Variants in STK24 observed in about 807,000 individuals in gnomAD.
STK24 encodes the protein serine/threonine-protein kinase 24.
STK24 carries 21 observed loss-of-function variants against 55.6 expected under a neutral mutation model. That is an observed-to-expected ratio of 0.38 (90% CI 0.27 to 0.54). The LOEUF (loss-of-function observed/expected upper bound fraction) is 0.54, where lower values mean the gene tolerates loss of function less well. Among genes scored for constraint, STK24 ranks in the 20% least tolerant of loss-of-function variants. STK24 has a pLI of 0.79. For synonymous variants in STK24, 200 were observed against 215.2 expected (o/e 0.93, Z 0.62); for missense variants, 383 against 538.4 (o/e 0.71, Z 2.86).
chr13:98,535,957 G>T (rs1375586838), intron 1 of STK24, among the ~76,000 whole-genome samples: 1 of 152,190 alleles, frequency 6.6e-6, no homozygotes, highest in African/African-American at 2.4e-5. Flanking sequence ...TGAGTATCAG[G>T]AAACTGACTA....
In STK24 at chr13:98,475,315, A is replaced by G; in HGVS notation, c.374T>C (p.Leu125Ser). ...ATCGAGTCCTTTCAGTATTTCTCTT[A>G]ATATAGTAGCGATCTGGGTTTCATC... The part of the protein sequence containing the change: ...PLDETQIATI[L>S]REILKGLDYL... The change falls in exon 4 of 11, where the codon TTA (leucine) becomes TCA (serine). Residue 125 changes from leucine to serine, a missense_variant. By Grantham distance (145) the Leu-to-Ser change is moderately radical. Coordinates refer to ENST00000539966, the MANE Select transcript of STK24 (RefSeq NM_001032296.4). 6.2e-7 allele frequency: 1 copy of G among 1,613,608 alleles called. No homozygotes were observed. The highest frequency in any genetic ancestry group is 8.5e-7 in the Non-Finnish European group (1 of 1,179,856).
At chr13:98,482,146 C>A (rs1314058824) in intron 3 of STK24, 119 bp downstream of exon 3, 3 of 507,946 alleles carry the variant, frequency 5.9e-6, no homozygotes, top group South Asian at 4.9e-5. Context: ...AGTTTGGTTC[C>A]TTTTTTAATG....
intron 2 of STK24, among the ~76,000 whole-genome samples, chr13:98,494,912 GA>G (rs1332415078): frequency 2.0e-5 from 3 of 152,192 alleles, no homozygotes; most frequent in Non-Finnish European, 4.4e-5. Flanking sequence ...GGGATGCAGA[GA>G]CAGCTGCTCC....
At chr13:98,545,386 C>T (rs1465623865) in intron 1 of STK24, among the ~76,000 whole-genome samples, 1 of 152,082 alleles carries the variant, frequency 6.6e-6, no homozygotes, top group African/African-American at 2.4e-5. Flanking sequence ...GTGGCTCATG[C>T]CTGTAATCCC....
intron 7 of STK24, 73 bp downstream of exon 7, chr13:98,463,618 C>A: frequency 6.7e-7 from 1 of 1,495,734 alleles, no homozygotes; most frequent in Non-Finnish European, 8.9e-7. Flanking sequence ...AAAACGAAAC[C>A]CACACCAAAC....
chr13:98,485,743 CTT>C (rs1469266348), intron 2 of STK24, among the ~76,000 whole-genome samples: 1 of 152,232 alleles, frequency 6.6e-6, no homozygotes, highest in African/African-American at 2.4e-5. Flanking sequence ...AGTTCGATCT[CTT>C]TAGTCTCAGT....
Position 98,451,157 on chromosome 13 carries a change from T to G in STK24, c.*2016A>C, listed in dbSNP as rs1274833538. On this transcript the variant is annotated 3_prime_UTR_variant, in exon 11 of 11. Transcript: ENST00000539966. Reference sequence around the variant, plus strand: ...TGATGTCATTGTCCATTTGTAAATCTGAAGAACTCTGTAAATCAGAAAAGC... The same window carrying G: ...TGATGTCATTGTCCATTTGTAAATCGGAAGAACTCTGTAAATCAGAAAAGC... The G allele has an allele frequency of 6.6e-6, 1 of 152,210 alleles. No homozygotes were observed. Among genetic ancestry groups the G allele is most frequent in the African/African-American group, 2.4e-5 (1 of 41,454 alleles). 9.4% of individuals were successfully genotyped at this position (152,210 alleles called of 1,614,324 possible). A position where few individuals can be genotyped will look rare whatever the true frequency, so the allele number is the denominator to read the frequency against.
At chr13:98,537,759 G>C (rs1310197336) in intron 1 of STK24, among the ~76,000 whole-genome samples, 1 of 152,100 alleles carries the variant, frequency 6.6e-6, no homozygotes. Flanking sequence ...CTCAGCTCCT[G>C]GAGCCAGGCT....
At chr13:98,497,540 C>T (rs1323880947) in intron 2 of STK24, among the ~76,000 whole-genome samples, 1 of 152,222 alleles carries the variant, frequency 6.6e-6, no homozygotes, top group Non-Finnish European at 1.5e-5. Flanking sequence ...GTCCCAATCT[C>T]ACACTGCTTA....
chr13:98,482,705 C>T (rs1360435334), intron 2 of STK24, among the ~76,000 whole-genome samples: 1 of 152,238 alleles, frequency 6.6e-6, no homozygotes, highest in Non-Finnish European at 1.5e-5. Flanking sequence ...TGGTGTCACA[C>T]ACATCGGGAG....
chr13:98,482,233 G>C, intron 3 of STK24, 32 bp downstream of exon 3: 1 of 1,303,292 alleles, frequency 7.7e-7, no homozygotes, highest in East Asian at 2.5e-5. Flanking sequence ...AAAAAGCTTT[G>C]ATACGTATTC....
intron 9 of STK24, among the ~76,000 whole-genome samples, chr13:98,458,888 A>G (rs1893581671): frequency 6.6e-6 from 1 of 152,240 alleles, no homozygotes; most frequent in Admixed American, 6.5e-5. Flanking sequence ...CAAGTATTGT[A>G]TGAAATAATA....
intron 10 of STK24, 141 bp from the exon 11 acceptor site, chr13:98,453,350 G>A (rs548957796): frequency 7.2e-5 from 59 of 820,000 alleles, no homozygotes; most frequent in Non-Finnish European, 1.1e-4. Context: ...CAATGTGTAA[G>A]TCTAATTTTA....
rs568921085 is a variant in STK24 at position 98,558,939 on chromosome 13, C to T, written c.42+17806G>A. On this transcript the variant is annotated intron_variant, in intron 1 of 10. Coordinates refer to ENST00000539966, the MANE Select transcript of STK24 (RefSeq NM_001032296.4). ...CAGCACTTTAGGAGGCTGAGGCAGG[C>T]GGATCACCTGAGGTTGGGGGTTCGA... Among the ~76,000 whole-genome samples the T allele has an allele frequency of 1.8e-3, 243 of 131,698 alleles. 1 individual carries two copies. Among genetic ancestry groups the T allele is most frequent in the East Asian group, 0.015 (64 of 4,166 alleles). The allele number at this position is 131,698 out of a possible 152,430, so 86.4% of individuals were successfully genotyped here.
In STK24 at chr13:98,446,131, A is replaced by G; in HGVS notation, c.*7042T>C. On this transcript the variant is annotated 3_prime_UTR_variant, in exon 11 of 11. Transcript: ENST00000539966. Reference sequence around the variant, plus strand: ...GTCTGGAAACCTGCTGAGGAAATTCAAAAACAGCAACGGGTGGCAGAAGCT... The same window carrying G: ...GTCTGGAAACCTGCTGAGGAAATTCGAAAACAGCAACGGGTGGCAGAAGCT... 2 of 1,613,928 alleles carry G rather than the reference A, an allele frequency of 1.2e-6. No individual in the cohort carries two copies. The highest frequency in any genetic ancestry group is 1.7e-6 in the Non-Finnish European group (2 of 1,179,796).
At chr13:98,504,298 C>G (rs1376809353) in intron 2 of STK24, among the ~76,000 whole-genome samples, 1 of 152,202 alleles carries the variant, frequency 6.6e-6, no homozygotes, top group Non-Finnish European at 1.5e-5. Context: ...GAAAGTAGAG[C>G]TTCTGTCAAC....
intron 9 of STK24, among the ~76,000 whole-genome samples, chr13:98,460,021 G>A (rs1006069338): frequency 6.6e-6 from 1 of 152,218 alleles, no homozygotes; most frequent in African/African-American, 2.4e-5. Context: ...CGTCTCCTTA[G>A]AAGAAAGAAT....
chr13:98,477,824 G>T lies in STK24; in HGVS notation c.331-2466C>A, dbSNP rs148728377. Reference sequence around the variant, plus strand: ...ATTACCAAGTCTCCCAAAAGCAACGGCAGAGCGGCCTGCTGTCATTCCCAA... The same window carrying T: ...ATTACCAAGTCTCCCAAAAGCAACGTCAGAGCGGCCTGCTGTCATTCCCAA... On this transcript the variant is annotated intron_variant, in intron 3 of 10. Coordinates refer to ENST00000539966, the MANE Select transcript of STK24 (RefSeq NM_001032296.4). Among the ~76,000 whole-genome samples the T allele has an allele frequency of 1.8e-3, 275 of 152,206 alleles. 1 individual carries two copies. Among genetic ancestry groups the T allele is most frequent in the Middle Eastern group, 0.01 (3 of 294 alleles).
rs545489890 is a variant in STK24 at position 98,465,859 on chromosome 13, C to A, written c.783+517G>T. Among the ~76,000 whole-genome samples the A allele has an allele frequency of 3.9e-5, 6 of 152,304 alleles. No homozygotes were observed. In the East Asian group the frequency reaches 9.6e-4, roughly 24 times the overall value. Reference sequence around the variant, plus strand: ...AGGCAAAGCCACACAGTCGTTACTGCTGTATGGCTCTGCCAGAGTCTATTA... The same window carrying A: ...AGGCAAAGCCACACAGTCGTTACTGATGTATGGCTCTGCCAGAGTCTATTA... On this transcript the variant is annotated intron_variant, in intron 6 of 10. Transcript: ENST00000539966.
Sources: gnomAD v4.1 joint callset for allele counts (sites outside exome capture counted in the v4.1 genomes callset) on GRCh38, gnomAD v4.1.1 for gene constraint, MANE v1.5 for transcripts, NCBI Gene and HGNC (gene_info 2026-07-23, HGNC 2026-07-21) for gene names.